Variants in TRIM36 observed in about 807,000 individuals in gnomAD.
TRIM36 encodes tripartite motif containing 36.
TRIM36 carries 42 observed loss-of-function variants against 72.4 expected under a neutral mutation model. That is an observed-to-expected ratio of 0.58 (90% CI 0.45 to 0.75). The LOEUF is 0.75. Ranked by LOEUF, TRIM36 falls within the 30% of genes least tolerant of loss-of-function variation. The pLI is 0.00. For synonymous variants in TRIM36, 315 were observed against 282.8 expected (o/e 1.11, Z -1.14); for missense variants, 913 against 857.1 (o/e 1.07, Z -0.81).
rs534976210 is a variant in TRIM36, at chr5:115,153,541, T to C, written c.263-6147A>G. 2.0e-5 allele frequency among the ~76,000 whole-genome samples: 3 copies of C among 152,312 alleles called. No homozygotes were observed. The East Asian group carries it at 5.8e-4, about 29-fold the overall frequency. On this transcript the variant is annotated intron_variant, in intron 2 of 9. Coordinates refer to ENST00000513154, the MANE Select transcript of TRIM36 (RefSeq NM_001300759.2). Reference sequence around the variant, plus strand: ...TTTTCTTTGAGATGGAGTCATGCTCTGTCACCCAGGCTGGAGTGCAGTGGC... The same window carrying C: ...TTTTCTTTGAGATGGAGTCATGCTCCGTCACCCAGGCTGGAGTGCAGTGGC...
intron 1 of TRIM36, chr5:115,177,958 TGAGC>T: frequency 7.2e-7 from 1 of 1,392,742 alleles, no homozygotes; most frequent in Non-Finnish European, 1.0e-6. Flanking sequence ...TTCATTATAG[TGAGC>T]ATACTGTGAT....
At chr5:115,132,839 C>T (rs1206960835) in intron 8 of TRIM36, among the ~76,000 whole-genome samples, 1 of 152,106 alleles carries the variant, frequency 6.6e-6, no homozygotes, top group Non-Finnish European at 1.5e-5. Context: ...GGCAGAAAGA[C>T]TAGAAAAGGA....
intron 2 of TRIM36, among the ~76,000 whole-genome samples, chr5:115,158,873 T>C (rs948970382): frequency 6.6e-6 from 1 of 152,198 alleles, no homozygotes; most frequent in Non-Finnish European, 1.5e-5. Flanking sequence ...TGGCTTCTAA[T>C]CGTGGCTTTA....
intron 1 of TRIM36, among the ~76,000 whole-genome samples, chr5:115,179,226 G>C (rs1448396434): frequency 6.6e-6 from 1 of 152,164 alleles, no homozygotes; most frequent in African/African-American, 2.4e-5. Context: ...ATGCAGCGCG[G>C]AGCCCAGCCT....
chr5:115,149,023 T>TG (rs1183298134), intron 2 of TRIM36: 4 of 152,240 alleles, frequency 2.6e-5, no homozygotes, highest in Non-Finnish European at 4.4e-5. Context: ...TATATGGCAT[T>TG]GGGCCCCAAA....
At chr5:115,171,351 C>G, upstream of TRIM36, 1 of 1,338,648 alleles carries the variant, frequency 7.5e-7, no homozygotes, top group East Asian at 2.3e-5. Context: ...CTGGGCTGTT[C>G]TGATCCGGAT....
intron 2 of TRIM36, among the ~76,000 whole-genome samples, chr5:115,154,706 C>T (rs901202975): frequency 5.3e-5 from 8 of 151,976 alleles, no homozygotes; most frequent in African/African-American, 1.9e-4. Context: ...AAATTATCAA[C>T]AAAAAAAGTC....
chr5:115,129,843 T>G (rs1416052659), intron 9 of TRIM36, among the ~76,000 whole-genome samples: 3 of 152,214 alleles, frequency 2.0e-5, no homozygotes, highest in Admixed American at 6.5e-5. Context: ...TTATATATTT[T>G]GGATAATACT....
At chr5:115,177,236 A>G (rs1755376843) in intron 1 of TRIM36, 1 of 154,136 alleles carries the variant, frequency 6.5e-6, no homozygotes, top group African/African-American at 2.4e-5. Flanking sequence ...ACAAGCATAT[A>G]TTCCAGGTAT....
At position 115,133,968 on chromosome 5, in the gene TRIM36, G is replaced by A. The variant is rs371244620; in HGVS notation, c.1390C>T (p.Gln464Ter). ...IEVCGTSKII[Q>*]DLENSSTYAF... ...TAGGTACTACTGTTTTCCAAGTCTT[G>A]AATTATTTTACTTGTTCCACACACT... Residue 464 changes from glutamine (Q) to a stop codon, truncating the protein, a stop_gained, in exon 8 of 10, where the codon CAA becomes TAA. Transcript: ENST00000513154. LOFTEE classifies it high-confidence loss of function. 2 of 1,613,768 alleles carry A rather than the reference G, an allele frequency of 1.2e-6. No homozygotes were observed. Among genetic ancestry groups the A allele is most frequent in the Non-Finnish European group, 1.7e-6 (2 of 1,179,880 alleles).
chr5:115,171,218 G>A (rs1466928372), upstream of TRIM36: 5 of 1,613,980 alleles, frequency 3.1e-6, no homozygotes, highest in African/African-American at 2.7e-5. Flanking sequence ...TCTCCAATCC[G>A]GCATCTAAAT....
At chr5:115,176,677 C>T (rs895951053) in intron 1 of TRIM36, among the ~76,000 whole-genome samples, 1 of 152,066 alleles carries the variant, frequency 6.6e-6, no homozygotes, top group Non-Finnish European at 1.5e-5. Flanking sequence ...TTATATGATT[C>T]CAGAAGCGGT....
chr5:115,147,207 TG>T lies in TRIM36; in HGVS notation c.449del (p.Pro150HisfsTer31). On this transcript the variant is annotated frameshift_variant, in exon 3 of 10. Coordinates refer to ENST00000513154, the MANE Select transcript of TRIM36 (RefSeq NM_001300759.2). LOFTEE classifies it high-confidence loss of function. ...ATAIMCDLCKPPPQESTKSCM... is the reference protein window; with the variant it reads ...ATAIMCDLCKXPPQESTKSCM... Reference sequence around the variant, plus strand: ...AGCTTTTTGTGGATTCTTGAGGTGGTGGTTTACAAAGGTCACACATAATGGC... The same window carrying T: ...AGCTTTTTGTGGATTCTTGAGGTGGTGTTTACAAAGGTCACACATAATGGC... 1 of 1,614,142 alleles carries T rather than the reference TG, an allele frequency of 6.2e-7. No individual in the cohort carries two copies. Among genetic ancestry groups the T allele is most frequent in the Non-Finnish European group, 8.5e-7 (1 of 1,180,030 alleles).
intron 1 of TRIM36, among the ~76,000 whole-genome samples, chr5:115,165,379 G>C (rs1399138306): frequency 6.6e-6 from 1 of 152,210 alleles, no homozygotes. Flanking sequence ...TGGATATCCA[G>C]GTGTTTCTGT....
intron 4 of TRIM36, among the ~76,000 whole-genome samples, chr5:115,143,612 T>C (rs1371548944): frequency 6.6e-6 from 1 of 151,964 alleles, no homozygotes; most frequent in East Asian, 1.9e-4. Flanking sequence ...GAGCACAACA[T>C]AAATATAAAA....
At chr5:115,179,574 TCCGCGCCCAGGCAGGCGAGG>T (rs1394399968) in intron 1 of TRIM36, among the ~76,000 whole-genome samples, 2 of 152,086 alleles carry the variant, frequency 1.3e-5, no homozygotes, top group Non-Finnish European at 2.9e-5. Context: ...CCCTCCACGC[TCCGCGCCCAGGCAGGCGAGG>T]TCACCCACTC....
At chr5:115,139,178 T>C (rs1390549381) in intron 5 of TRIM36, among the ~76,000 whole-genome samples, 3 of 148,842 alleles carry the variant, frequency 2.0e-5, no homozygotes, top group African/African-American at 5.0e-5. Flanking sequence ...TAGAGTGCAA[T>C]GGAGTGATCT....
At chr5:115,134,668 G>A (rs1752872306) in intron 7 of TRIM36, among the ~76,000 whole-genome samples, 1 of 151,952 alleles carries the variant, frequency 6.6e-6, no homozygotes, top group East Asian at 1.9e-4. Flanking sequence ...AGCCTCCCAA[G>A]TAGCTGGGAT....
chr5:115,170,207 G>A (rs1438372282), upstream of TRIM36, among the ~76,000 whole-genome samples: 1 of 151,070 alleles, frequency 6.6e-6, no homozygotes, highest in Non-Finnish European at 1.5e-5. Flanking sequence ...AGGAACGGAA[G>A]TGAGGGCAGC....
Sources: gnomAD v4.1 joint callset for allele counts (sites outside exome capture counted in the v4.1 genomes callset) on GRCh38, gnomAD v4.1.1 for gene constraint, MANE v1.5 for transcripts, NCBI Gene and HGNC (gene_info 2026-07-23, HGNC 2026-07-21) for gene names.